Variants in SYMPK observed in about 807,000 individuals in gnomAD.
SYMPK encodes the protein symplekin.
SYMPK carries 49 observed loss-of-function variants against 136.4 expected under a neutral mutation model. The ratio of observed to expected loss-of-function variants is 0.36; its 90% CI spans 0.29 to 0.46. SYMPK has a LOEUF of 0.46. SYMPK is among the 20% of genes least tolerant of loss of function. The pLI, the probability that SYMPK is intolerant of heterozygous loss-of-function variation, is 1.00. For missense variants in SYMPK, 1,365 were observed against 1,690.0 expected, an observed-to-expected ratio of 0.81 and a Z score of 3.37; for synonymous variants, 766 against 713.0, an observed-to-expected ratio of 1.07 and a Z score of -1.19.
At chr19:45,842,802 CT>C in intron 8 of SYMPK, 1 of 310,258 alleles carries the variant, frequency 3.2e-6, no homozygotes, top group Non-Finnish European at 6.1e-6. Flanking sequence ...ATAATCACCA[CT>C]TTTGCCTCCA....
At chr19:45,841,674 A>G (rs1971440564) in intron 9 of SYMPK, among the ~76,000 whole-genome samples, 2 of 152,344 alleles carry the variant, frequency 1.3e-5, no homozygotes, top group South Asian at 2.1e-4. Context: ...AAAAAATCTT[A>G]AAGTTAAGAA....
intron 23 of SYMPK, among the ~76,000 whole-genome samples, chr19:45,817,404 G>GT (rs1198833459): frequency 7.0e-6 from 1 of 142,196 alleles, no homozygotes; most frequent in African/African-American, 2.6e-5. Flanking sequence ...GCGGGGTTTG[G>GT]TTTTTTTGTT....
chr19:45,842,242 C>A lies in SYMPK; in HGVS notation c.1087+8G>T, dbSNP rs1256042334. On this transcript the variant is annotated splice_region_variant and intron_variant, in intron 9 of 26. Transcript: ENST00000245934. The stretch of plus-strand genomic sequence containing the variant: ...GTCTGCCTGCCCCACCCCACCAGCC[C>A]CTCTCACCCAGCTTCATCTTCTTGA... 6.2e-7 allele frequency: 1 copy of A among 1,613,960 alleles called. No individual in the cohort carries two copies. The highest frequency in any genetic ancestry group is 1.3e-5 in the African/African-American group (1 of 75,056).
intron 1 of SYMPK, among the ~76,000 whole-genome samples, chr19:45,862,737 G>A (rs1972001993): frequency 6.6e-6 from 1 of 152,236 alleles, no homozygotes; most frequent in African/African-American, 2.4e-5. Context: ...GACAGCCTGT[G>A]CAAAATCCCC....
At position 45,852,299 on chromosome 19, in the gene SYMPK, C is replaced by T. The variant is rs369081500; in HGVS notation, c.299+13G>A. 1.7e-4 allele frequency: 271 copies of T among 1,614,084 alleles called. No individual in the cohort carries two copies. The highest frequency in any genetic ancestry group is 2.2e-4 in the Non-Finnish European group (254 of 1,180,030). On this transcript the variant is annotated intron_variant, in intron 5 of 26. Coordinates refer to ENST00000245934, the MANE Select transcript of SYMPK (RefSeq NM_004819.3). ...GTGAGAATGCTCCCGGGGCTCCGTG[C>T]CTCGCCCCATACCATGCCTCCTCGA...
chr19:45,821,217 A>C lies in SYMPK; in HGVS notation c.2893+167T>G, dbSNP rs780176799. 36 of 688,382 alleles carry C rather than the reference A, an allele frequency of 5.2e-5. No homozygotes were observed. The East Asian group carries it at 8.7e-4, about 17-fold the overall frequency. The allele number at this position is 688,382 out of a possible 1,614,324, so 42.6% of individuals were successfully genotyped here. A position where few individuals can be genotyped will look rare whatever the true frequency, so the allele number is the denominator to read the frequency against. On this transcript the variant is annotated intron_variant, in intron 22 of 26. Transcript: ENST00000245934. The surrounding 1 kb of genome is among the most constrained non-coding windows in gnomAD (Gnocchi z 4.4). ...GGGAGGGAGGGAGGGAGGGAAGAGG[A>C]GGCAAGAAAAGGAGGGAGGGAGGGA...
chr19:45,822,254 G>A (rs1030262222), intron 21 of SYMPK, among the ~76,000 whole-genome samples: 2 of 151,906 alleles, frequency 1.3e-5, no homozygotes, highest in Admixed American at 6.6e-5. Flanking sequence ...GAGTAGCTGG[G>A]ACTACAGGCG....
At chr19:45,828,461 A>C (rs1971097367) in intron 14 of SYMPK, 1 of 177,650 alleles carries the variant, frequency 5.6e-6, no homozygotes, top group Middle Eastern at 2.7e-3. Context: ...CACAGTAAGG[A>C]GGCTGTGTTT....
chr19:45,854,282 C>A (rs370801617), intron 2 of SYMPK, 42 bp from the exon 3 acceptor site: 314 of 1,611,140 alleles, frequency 1.9e-4, no homozygotes, highest in Non-Finnish European at 2.5e-4. Context: ...CCAGCCCAGT[C>A]CAGCCCAGTG....
chr19:45,841,091 C>A (rs1335805043), intron 9 of SYMPK, among the ~76,000 whole-genome samples: 1 of 151,324 alleles, frequency 6.6e-6, no homozygotes. Context: ...TCAAGCAATT[C>A]TTCTGCCTCA....
Position 45,815,991 on chromosome 19 carries a change from G to A in SYMPK, c.3547C>T (p.Pro1183Ser), listed in dbSNP as rs778154800. ...AAATCCATGGCTTCCTCAGACGGGG[G>A]CGGGCCTGGCCGGGCCGACGGAGAG... ...SPSPSARPGP[P>S]PSEEAMDFRE... The change falls in exon 26 of 27, where the codon CCC becomes TCC. Residue 1183 changes from proline (P) to serine (S), a missense_variant. Transcript: ENST00000245934. 7 of 1,606,876 alleles carry A rather than the reference G, an allele frequency of 4.4e-6. No individual in the cohort carries two copies. Among genetic ancestry groups the A allele is most frequent in the East Asian group, 2.2e-5 (1 of 44,730 alleles).
Position 45,821,246 on chromosome 19 carries a change from G to C in SYMPK, c.2893+138C>G, listed in dbSNP as rs768457430. 1.4e-6 allele frequency: 1 copy of C among 727,018 alleles called. No individual in the cohort carries two copies. The highest frequency in any genetic ancestry group is 2.6e-5 in the East Asian group (1 of 38,092). The allele number at this position is 727,018 out of a possible 1,614,324, so 45.0% of individuals were successfully genotyped here. ...AAGAAAAGGAGGGAGGGAGGGAGGT[G>C]GCTCTCCAGAGCTCTGAGGTGGGGC... On this transcript the variant is annotated intron_variant, in intron 22 of 26. Transcript: ENST00000245934. This position sits in a 1 kb window ranked among gnomAD's most constrained non-coding sequence, Gnocchi z 4.4.
In SYMPK at chr19:45,822,854, GAGA is replaced by G. The variant is rs1970939703; in HGVS notation, c.2701-11_2701-9del. On this transcript the variant is annotated splice_polypyrimidine_tract_variant and intron_variant, in intron 20 of 26. Transcript: ENST00000245934. ...GGCCTGGATCACCTCTTTCTACAGG[GAGA>G]AGGTGGTGGGGGTGGGAGTTGAGTC... 4 of 1,607,522 alleles carry G rather than the reference GAGA, an allele frequency of 2.5e-6. No homozygotes were observed. Among genetic ancestry groups the G allele is most frequent in the Non-Finnish European group, 3.4e-6 (4 of 1,174,252 alleles).
rs1218368905 is a variant in SYMPK at position 45,816,024 on chromosome 19, G to A, written c.3514C>T (p.Pro1172Ser). Reference sequence around the variant, plus strand: ...GGCCGGGCCGACGGAGAGGGAGAGGGGGAGGAAGAGGAGGGGGCTCCCACT... The same window carrying A: ...GGCCGGGCCGACGGAGAGGGAGAGGAGGAGGAAGAGGAGGGGGCTCCCACT... The part of the protein sequence containing the change: ...GGVGAPSSSS[P>S]SPSPSARPGP... Residue 1172 changes from proline (P) to serine (S), a missense_variant, in exon 26 of 27, where the codon CCC becomes TCC. Pro to Ser is a moderately conservative substitution (Grantham distance 74). Around this residue, in one of 11 missense-constraint regions of SYMPK, gnomAD observed 341 missense variants for 270.5 expected, o/e 1.26. Coordinates refer to ENST00000245934, the MANE Select transcript of SYMPK (RefSeq NM_004819.3). 6.3e-7 allele frequency: 1 copy of A among 1,589,844 alleles called. No homozygotes were observed.
chr19:45,851,283 T>C (rs935003075), intron 5 of SYMPK, among the ~76,000 whole-genome samples: 1 of 152,160 alleles, frequency 6.6e-6, no homozygotes, highest in African/African-American at 2.4e-5. Context: ...CACTTTAAAA[T>C]AGCTGATTTT....
intron 3 of SYMPK, among the ~76,000 whole-genome samples, chr19:45,853,831 C>G (rs1971751198): frequency 6.6e-6 from 1 of 152,174 alleles, no homozygotes; most frequent in Admixed American, 6.5e-5. Context: ...GTCTGCCCCA[C>G]TGGACTGGAC....
At chr19:45,822,304 G>T (rs1216497760) in intron 21 of SYMPK, among the ~76,000 whole-genome samples, 1 of 152,022 alleles carries the variant, frequency 6.6e-6, no homozygotes, top group Non-Finnish European at 1.5e-5. Flanking sequence ...ATTTTTAGTA[G>T]AGACGGGGTT....
chr19:45,863,035 C>T (rs558120705), intron 1 of SYMPK, 23 bp downstream of exon 1: 3 of 400,148 alleles, frequency 7.5e-6, no homozygotes, highest in African/African-American at 6.1e-5. Flanking sequence ...CGTCTCCGGG[C>T]CCAAACGCCG....
At chr19:45,826,596 GC>G (rs1321997329) in intron 16 of SYMPK, among the ~76,000 whole-genome samples, 4 of 152,146 alleles carry the variant, frequency 2.6e-5, no homozygotes, top group Admixed American at 2.0e-4. Flanking sequence ...CAGCCCATCT[GC>G]CCATCACTGC....
Sources: allele counts gnomAD v4.1 joint callset (sites outside exome capture counted in the v4.1 genomes callset), GRCh38; gene constraint gnomAD v4.1.1; regional missense constraint gnomAD v4.1.1; non-coding constraint Gnocchi (gnomAD v3.1); transcripts MANE v1.5; gene names NCBI Gene and HGNC (gene_info 2026-07-23, HGNC 2026-07-21).